MYOM1: variants seen among roughly 807,000 people sequenced by gnomAD.
MYOM1 encodes the protein myomesin-1.
MYOM1 carries 164 observed loss-of-function variants against 205.3 expected under a neutral mutation model. The observed-to-expected ratio is 0.80, with a 90% confidence interval of 0.70 to 0.91. The LOEUF is 0.91. Ranked by LOEUF, MYOM1 falls within the 40% of genes least tolerant of loss-of-function variation. The pLI is 0.00. For synonymous variants in MYOM1, 772 were observed against 789.4 expected (o/e 0.98, Z 0.37); for missense variants, 2,011 against 2,127.3 (o/e 0.95, Z 1.08).
the MYOM1 span, among the ~76,000 whole-genome samples, chr18:3,240,057 G>A: frequency 6.6e-6 from 1 of 152,154 alleles, no homozygotes; most frequent in African/African-American, 2.4e-5. Flanking sequence ...ATTGGCTAAA[G>A]TAAGCATCGA....
intron 34 of MYOM1, among the ~76,000 whole-genome samples, chr18:3,078,063 A>G (rs997033010): frequency 7.3e-5 from 11 of 150,082 alleles, no homozygotes; most frequent in Admixed American, 2.0e-4. Flanking sequence ...TTTTTTTGAG[A>G]CAGAGTCTCG....
the MYOM1 span, among the ~76,000 whole-genome samples, chr18:3,230,926 A>T: frequency 1.3e-5 from 2 of 152,252 alleles, no homozygotes; most frequent in African/African-American, 4.8e-5. Flanking sequence ...ACCAAGGCTC[A>T]GAGAGGTTAG....
intron 5 of MYOM1, among the ~76,000 whole-genome samples, chr18:3,177,441 ATATCATTATTATTAT>A (rs1279236216): frequency 2.6e-5 from 3 of 117,252 alleles, no homozygotes; most frequent in East Asian, 2.6e-4. Context: ...GTTAGAAGCA[ATATCATTATTATTAT>A]TATTATTATT....
intron 9 of MYOM1, 136 bp downstream of exon 9, chr18:3,168,681 C>T: frequency 1.3e-6 from 1 of 765,324 alleles, no homozygotes; most frequent in Non-Finnish European, 2.0e-6. Flanking sequence ...CTTTGCTACA[C>T]ATGTGAAAAC....
At chr18:3,090,593 C>T (rs1354151034) in intron 27 of MYOM1, 65 bp downstream of exon 27, 1 of 1,578,356 alleles carries the variant, frequency 6.3e-7, no homozygotes, top group East Asian at 2.3e-5. Context: ...AACTTTTGTG[C>T]CATGGGGTAC....
At chr18:3,193,361 T>TACATATATATATATAC (rs1598758731) in intron 3 of MYOM1, among the ~76,000 whole-genome samples, 3 of 135,882 alleles carry the variant, frequency 2.2e-5, no homozygotes, top group African/African-American at 9.1e-5. Context: ...TATATATATA[T>TACATATATATATATAC]ACACACACAC....
intron 16 of MYOM1, among the ~76,000 whole-genome samples, chr18:3,132,156 T>C (rs1381537222): frequency 1.4e-5 from 2 of 147,322 alleles, no homozygotes; most frequent in Non-Finnish European, 3.0e-5. Flanking sequence ...CTAAAATATA[T>C]ATATATATAT....
chr18:3,094,379 GAAAAAA>G, intron 25 of MYOM1, 73 bp from the exon 26 acceptor site: 1 of 796,940 alleles, frequency 1.3e-6, no homozygotes. Flanking sequence ...TCCATCAAGT[GAAAAAA>G]AAAAAAAAAC....
chr18:3,162,621 T>TA (rs1008849959), intron 10 of MYOM1, among the ~76,000 whole-genome samples: 61 of 152,026 alleles, frequency 4.0e-4, no homozygotes, highest in Non-Finnish European at 7.5e-4. Flanking sequence ...AATCATGCCA[T>TA]AAAAAAACAC....
At chr18:3,224,300 G>T (rs1199687279), upstream of MYOM1, among the ~76,000 whole-genome samples, 1 of 152,164 alleles carries the variant, frequency 6.6e-6, no homozygotes, top group Non-Finnish European at 1.5e-5. Context: ...GGGATTACAG[G>T]CATGAGCTAC....
chr18:3,077,522 G>A (rs745348171), intron 34 of MYOM1, among the ~76,000 whole-genome samples: 73 of 152,068 alleles, frequency 4.8e-4, no homozygotes, highest in African/African-American at 1.5e-3. Context: ...CCAGTTAGGC[G>A]GACCCAGGCT....
rs34464336 is a variant in MYOM1, at chr18:3,174,486, C to CA, written c.1023-279dup. ...CCTAGCCTGGGTTCATTTAAAATGTCAAAAAAAAAAGTCAACCAAGTGCTA... is the reference window on the plus strand; with the variant it reads ...CCTAGCCTGGGTTCATTTAAAATGTCAAAAAAAAAAAGTCAACCAAGTGCTA... On this transcript the variant is annotated intron_variant, in intron 6 of 37. Coordinates refer to ENST00000356443, the MANE Select transcript of MYOM1 (RefSeq NM_003803.4). 0.33 allele frequency among the ~76,000 whole-genome samples: 49,059 copies of CA among 149,204 alleles called. 8,106 individuals carry two copies. Among genetic ancestry groups the CA allele is most frequent in the African/African-American group, 0.42 (16,969 of 40,796 alleles).
At position 3,113,151 on chromosome 18, in the gene MYOM1, T is replaced by G. The variant is rs2079552621; in HGVS notation, c.3304-739A>C. Among the ~76,000 whole-genome samples the G allele has an allele frequency of 2.0e-5, 3 of 151,714 alleles. 1 individual carries two copies. The highest frequency in any genetic ancestry group is 4.4e-5 in the Non-Finnish European group (3 of 67,988). ...AAAAAAAAAGCATTTATAATTTATT[T>G]TTGTATGACAGTCCCACTTCATGTA... is the stretch of plus-strand genomic sequence containing the variant. On this transcript the variant is annotated intron_variant, in intron 21 of 37. Transcript: ENST00000356443.
chr18:3,119,890 C>T lies in MYOM1; in HGVS notation c.3097G>A (p.Glu1033Lys), dbSNP rs377512048. The change falls in exon 20 of 38, where the codon GAG (glutamate) becomes AAG (lysine). Residue 1033 changes from glutamate to lysine, a missense_variant. Transcript: ENST00000356443. The stretch of plus-strand genomic sequence containing the variant: ...TTACCTGGGACGGCGATGGTCCACT[C>T]TTCACATTTGAAGCATTCGCTTACT... ...SAVSECFKCE[E>K]WTIAVPGPPH... is the part of the protein sequence containing the mutation. The T allele has an allele frequency of 2.7e-5, 43 of 1,610,990 alleles. No homozygotes were observed. The African/African-American group carries it at 5.5e-4, about 21-fold the overall frequency.
chr18:3,111,670 C>T (rs1191862397), intron 22 of MYOM1, among the ~76,000 whole-genome samples: 1 of 152,116 alleles, frequency 6.6e-6, no homozygotes, highest in Non-Finnish European at 1.5e-5. Context: ...GCATATAACG[C>T]ATCACATTAT....
At chr18:3,130,233 G>A (rs1390463527) in intron 17 of MYOM1, among the ~76,000 whole-genome samples, 1 of 151,914 alleles carries the variant, frequency 6.6e-6, no homozygotes, top group Non-Finnish European at 1.5e-5. Flanking sequence ...AGTAGAGACA[G>A]GGTTTAGCCA....
intron 2 of MYOM1, among the ~76,000 whole-genome samples, chr18:3,198,024 C>A (rs1350509278): frequency 6.6e-6 from 1 of 152,098 alleles, no homozygotes; most frequent in East Asian, 1.9e-4. Context: ...TGAATTTATT[C>A]ACCTAAATTG....
chr18:3,075,009 G>A (rs2079005613), intron 36 of MYOM1, among the ~76,000 whole-genome samples: 1 of 152,160 alleles, frequency 6.6e-6, no homozygotes, highest in East Asian at 1.9e-4. Flanking sequence ...TGGCCAGACT[G>A]GTCTTGAACT....
chr18:3,197,442 TA>T (rs1035319243), intron 2 of MYOM1, among the ~76,000 whole-genome samples: 1 of 152,034 alleles, frequency 6.6e-6, no homozygotes, highest in African/African-American at 2.4e-5. Context: ...ACTCTCAATT[TA>T]AAAAAATTGG....
Sources: allele counts gnomAD v4.1 joint callset (sites outside exome capture counted in the v4.1 genomes callset), GRCh38; gene constraint gnomAD v4.1.1; transcripts MANE v1.5; gene names NCBI Gene and HGNC (gene_info 2026-07-23, HGNC 2026-07-21).